CDC42BPA: variants seen among roughly 807,000 people sequenced by gnomAD.
CDC42BPA encodes serine/threonine-protein kinase MRCK alpha.
Under a neutral mutation model 223.5 loss-of-function variants are expected in CDC42BPA, and 80 were observed. That is an observed-to-expected ratio of 0.36 (90% confidence interval 0.30 to 0.43). The LOEUF is 0.43. Among genes scored for constraint, CDC42BPA ranks in the 20% least tolerant of loss-of-function variants. The probability of loss-of-function intolerance (pLI) is 1.00; values close to 1 mark genes in which losing one functional copy is unlikely to be tolerated. For synonymous variants in CDC42BPA, 694 were observed against 718.6 expected (o/e 0.97, Z 0.55); for missense variants, 1,743 against 2,099.9 (o/e 0.83, Z 3.32).
At chr1:227,184,698 G>A (rs1668471527) in intron 5 of CDC42BPA, among the ~76,000 whole-genome samples, 1 of 151,900 alleles carries the variant, frequency 6.6e-6, no homozygotes, top group Non-Finnish European at 1.5e-5. Context: ...TCTATCTAAA[G>A]GAATCTTGCT....
At chr1:227,250,384 A>G (rs1681759219) in intron 2 of CDC42BPA, among the ~76,000 whole-genome samples, 1 of 152,144 alleles carries the variant, frequency 6.6e-6, no homozygotes, top group Non-Finnish European at 1.5e-5. Flanking sequence ...GCTACTCGGG[A>G]AGCTGAGGCA....
intron 2 of CDC42BPA, among the ~76,000 whole-genome samples, chr1:227,227,301 A>T (rs1254624045): frequency 1.3e-5 from 2 of 152,198 alleles, no homozygotes; most frequent in Admixed American, 1.3e-4. Flanking sequence ...AAAGTTTATA[A>T]AACTGGCCAT....
chr1:227,030,501 A>C, intron 28 of CDC42BPA, 31 bp from the exon 29 acceptor site: 1 of 1,409,392 alleles, frequency 7.1e-7, no homozygotes, highest in Non-Finnish European at 9.8e-7. Flanking sequence ...AAAGATTTTT[A>C]TTAGGAAAAA....
At chr1:227,205,124 T>C (rs571659655) in intron 3 of CDC42BPA, among the ~76,000 whole-genome samples, 1 of 151,614 alleles carries the variant, frequency 6.6e-6, no homozygotes, top group South Asian at 2.1e-4. Flanking sequence ...CCGGGTGTGG[T>C]GGTGGGAGGT....
intron 11 of CDC42BPA, among the ~76,000 whole-genome samples, chr1:227,123,867 G>A (rs1272882614): frequency 1.3e-5 from 2 of 152,076 alleles, no homozygotes; most frequent in African/African-American, 4.8e-5. Flanking sequence ...GTGTGTGTGT[G>A]TTAGTTTGGG....
Position 227,136,851 on chromosome 1 carries a change from TATCAAGA to T in CDC42BPA, c.1390+2718_1390+2724del, listed in dbSNP as rs1259776307. Among the ~76,000 whole-genome samples, 5 of 152,292 alleles carry T rather than the reference TATCAAGA, an allele frequency of 3.3e-5. No individual in the cohort carries two copies. The East Asian group carries it at 9.6e-4, about 29-fold the overall frequency. The stretch of plus-strand genomic sequence containing the variant: ...AGACATTTTCAGATCAACAAAATCC[TATCAAGA>T]ATTTGTCACAACACATTCACATTAC... On this transcript the variant is annotated intron_variant, in intron 10 of 36. Coordinates refer to ENST00000366766, the MANE Select transcript of CDC42BPA (RefSeq NM_001394014.1).
At chr1:227,224,393 C>T (rs935884625) in intron 2 of CDC42BPA, among the ~76,000 whole-genome samples, 3 of 151,988 alleles carry the variant, frequency 2.0e-5, no homozygotes, top group Admixed American at 1.3e-4. Context: ...GCCACCACCC[C>T]GGCTAATTTT....
chr1:227,074,315 T>G lies in CDC42BPA; in HGVS notation c.2530A>C (p.Lys844Gln). ...ARGYLQALAS[K>Q]MTEELEALRN... ...AATGCCTCCAATTCTTCAGTCATTT[T>G]AGAAGCTAAGGCCTGAAGATACCCT... The change falls in exon 18 of 37, where the codon AAA becomes CAA. Residue 844 changes from lysine to glutamine, a missense_variant. Physicochemically the swap from Lys to Gln is moderately conservative, Grantham distance 53. This residue lies in a region of CDC42BPA where 36 missense variants were observed against 71.9 expected (regional missense o/e 0.50). Coordinates refer to ENST00000366766, the MANE Select transcript of CDC42BPA (RefSeq NM_001394014.1). 6.2e-7 allele frequency: 1 copy of G among 1,613,858 alleles called. No individual in the cohort carries two copies. Among genetic ancestry groups the G allele is most frequent in the African/African-American group, 1.3e-5 (1 of 75,048 alleles).
intron 2 of CDC42BPA, among the ~76,000 whole-genome samples, chr1:227,235,954 G>T (rs72757324): frequency 3.3e-5 from 5 of 152,218 alleles, no homozygotes; most frequent in Non-Finnish European, 5.9e-5. Context: ...AGGAGAGATG[G>T]TAAGTAGCTT....
chr1:227,133,425 G>A (rs1331363452), intron 10 of CDC42BPA, among the ~76,000 whole-genome samples: 1 of 152,176 alleles, frequency 6.6e-6, no homozygotes, highest in Non-Finnish European at 1.5e-5. Context: ...GGGAAGTGAG[G>A]AGCCCCTCTG....
At chr1:227,163,139 T>C (rs1258990425) in intron 5 of CDC42BPA, among the ~76,000 whole-genome samples, 1 of 75,530 alleles carries the variant, frequency 1.3e-5, no homozygotes. Context: ...CATATGTGTG[T>C]GTATGTTTCC....
intron 9 of CDC42BPA, among the ~76,000 whole-genome samples, chr1:227,142,664 G>A (rs1659908238): frequency 6.6e-6 from 1 of 151,460 alleles, no homozygotes; most frequent in Non-Finnish European, 1.5e-5. Flanking sequence ...CTGTCACCCA[G>A]GCTGCACTGC....
chr1:227,252,033 T>C (rs1335586672), intron 2 of CDC42BPA, among the ~76,000 whole-genome samples: 2 of 152,078 alleles, frequency 1.3e-5, no homozygotes, highest in Admixed American at 6.6e-5. Flanking sequence ...ATGTCTGCTA[T>C]AGCTAAAAAT....
At chr1:227,071,266 G>A (rs1678265360) in intron 20 of CDC42BPA, among the ~76,000 whole-genome samples, 1 of 151,840 alleles carries the variant, frequency 6.6e-6, no homozygotes, top group Non-Finnish European at 1.5e-5. Flanking sequence ...TCACTGTGTT[G>A]CATGGCTGAG....
chr1:227,304,576 C>A (rs1414795588), intron 1 of CDC42BPA, among the ~76,000 whole-genome samples: 2 of 152,132 alleles, frequency 1.3e-5, no homozygotes, highest in Non-Finnish European at 2.9e-5. Context: ...TACAATGTTT[C>A]AAGATTAGAG....
At chr1:227,246,369 C>T (rs1217763298) in intron 2 of CDC42BPA, among the ~76,000 whole-genome samples, 1 of 151,746 alleles carries the variant, frequency 6.6e-6, no homozygotes, top group Non-Finnish European at 1.5e-5. Context: ...TGGACACACC[C>T]GGGGCCTGGG....
chr1:227,080,756 CTG>C (rs1254541080), intron 17 of CDC42BPA, 135 bp downstream of exon 17: 3 of 948,540 alleles, frequency 3.2e-6, no homozygotes, highest in African/African-American at 1.7e-5. Flanking sequence ...AGTAATAAAA[CTG>C]TGCTTTTCAG....
chr1:227,235,095 C>T (rs1270997910), intron 2 of CDC42BPA: 1 of 152,116 alleles, frequency 6.6e-6, no homozygotes, highest in Non-Finnish European at 1.5e-5. Context: ...GCAGATGGAG[C>T]CTTCTCTGTG....
rs1004489718 is a variant in CDC42BPA at position 227,029,059 on chromosome 1, C to T, written c.4030G>A (p.Val1344Met). ...KGCQTVTSGK[V>M]RHGALTCLCV... ...AGGCATGTGAGAGCTCCATGGCGCA[C>T]CTTTCCAGAAGTTACGGTTTGACAC... Residue 1344 changes from valine (V) to methionine (M), a missense_variant, in exon 30 of 37, where the codon GTG becomes ATG. Val to Met is a conservative substitution (Grantham distance 21). Around this residue, in one of 6 missense-constraint regions of CDC42BPA, gnomAD observed 678 missense variants for 777.5 expected, o/e 0.87. Coordinates refer to ENST00000366766, the MANE Select transcript of CDC42BPA (RefSeq NM_001394014.1). 6.2e-6 allele frequency: 10 copies of T among 1,614,084 alleles called. No homozygotes were observed. The highest frequency in any genetic ancestry group is 2.2e-5 in the East Asian group (1 of 44,882).
Sources: allele counts gnomAD v4.1 joint callset (sites outside exome capture counted in the v4.1 genomes callset), GRCh38; gene constraint gnomAD v4.1.1; regional missense constraint gnomAD v4.1.1; transcripts MANE v1.5; gene names NCBI Gene and HGNC (gene_info 2026-07-23, HGNC 2026-07-21).